CDKAL1: variants seen among roughly 807,000 people sequenced by gnomAD.
CDKAL1 encodes the protein threonylcarbamoyladenosine tRNA methylthiotransferase.
A neutral mutation model predicts 68.2 loss-of-function variants in CDKAL1; 32 were observed. That is an observed-to-expected ratio of 0.47 (90% CI 0.35 to 0.63). The LOEUF is 0.63. Ranked by LOEUF, CDKAL1 falls within the 30% of genes least tolerant of loss-of-function variation. The pLI is 0.00. For synonymous variants in CDKAL1, 234 were observed against 244.3 expected, an observed-to-expected ratio of 0.96 and a Z score of 0.39; for missense variants, 606 against 696.7, an observed-to-expected ratio of 0.87 and a Z score of 1.47.
chr6:20,810,392 TCACACACACACACACACACACACACACA>T (rs59104508), intron 8 of CDKAL1, among the ~76,000 whole-genome samples: 21 of 115,648 alleles, frequency 1.8e-4, no homozygotes, highest in Admixed American at 7.2e-4. Flanking sequence ...TCTCTCTCTG[TCACACACACACACACACACACACACACA>T]CACACACACA....
intron 15 of CDKAL1, among the ~76,000 whole-genome samples, chr6:21,216,462 G>C (rs59743967): frequency 0.45 from 68,235 of 151,700 alleles, 16,179 homozygotes; most frequent in African/African-American, 0.61. Context: ...AGAAAGATCC[G>C]GTCTCCAGAA....
intron 9 of CDKAL1, among the ~76,000 whole-genome samples, chr6:20,850,900 T>G (rs908553425): frequency 6.6e-6 from 1 of 152,096 alleles, no homozygotes; most frequent in Non-Finnish European, 1.5e-5. Flanking sequence ...TGCATTCAGA[T>G]GTGAAAAAAT....
chr6:21,213,772 T>C (rs1779245553), intron 15 of CDKAL1, among the ~76,000 whole-genome samples: 1 of 152,166 alleles, frequency 6.6e-6, no homozygotes. Flanking sequence ...ATAAACCAGA[T>C]TGTGTCTCTC....
chr6:20,662,237 G>A (rs888345262), intron 5 of CDKAL1, among the ~76,000 whole-genome samples: 3 of 152,008 alleles, frequency 2.0e-5, no homozygotes, highest in African/African-American at 4.8e-5. Context: ...TGTTACCAAA[G>A]TATTAAATAT....
chr6:21,222,813 C>A (rs1006851533), intron 15 of CDKAL1, among the ~76,000 whole-genome samples: 1 of 152,036 alleles, frequency 6.6e-6, no homozygotes, highest in African/African-American at 2.4e-5. Context: ...GAAGCTGCAC[C>A]GCAAGATGGG....
At chr6:20,761,043 C>A (rs989866637) in intron 7 of CDKAL1, among the ~76,000 whole-genome samples, 1 of 152,032 alleles carries the variant, frequency 6.6e-6, no homozygotes, top group Non-Finnish European at 1.5e-5. Flanking sequence ...TATATGAAGA[C>A]CTCTTAAAAC....
At chr6:21,055,448 G>A (rs1414468483) in intron 11 of CDKAL1, among the ~76,000 whole-genome samples, 2 of 151,986 alleles carry the variant, frequency 1.3e-5, no homozygotes, top group African/African-American at 4.8e-5. Flanking sequence ...GTAAACGTGT[G>A]CTGTGGTGAT....
At chr6:20,774,179 T>A (rs4712545) in intron 7 of CDKAL1, among the ~76,000 whole-genome samples, 1 of 151,850 alleles carries the variant, frequency 6.6e-6, no homozygotes. Flanking sequence ...GAAGAAAAGT[T>A]GGGCTGTTTA....
intron 4 of CDKAL1, among the ~76,000 whole-genome samples, chr6:20,608,589 A>G (rs574476067): frequency 1.3e-5 from 2 of 152,204 alleles, no homozygotes; most frequent in South Asian, 2.1e-4. Context: ...GGCTGATACC[A>G]GTAGAGAGGA....
chr6:20,885,255 C>T (rs1428657665), intron 9 of CDKAL1, among the ~76,000 whole-genome samples: 1 of 152,176 alleles, frequency 6.6e-6, no homozygotes, highest in African/African-American at 2.4e-5. Flanking sequence ...GACTCACACT[C>T]CCCAATTTCA....
intron 4 of CDKAL1, among the ~76,000 whole-genome samples, chr6:20,629,974 C>T (rs1767602660): frequency 6.6e-6 from 1 of 152,150 alleles, no homozygotes; most frequent in Non-Finnish European, 1.5e-5. Context: ...TTCTCTCAGC[C>T]TCCTTAGTAG....
At chr6:21,066,691 G>C (rs1471508648) in intron 12 of CDKAL1, among the ~76,000 whole-genome samples, 3 of 152,112 alleles carry the variant, frequency 2.0e-5, no homozygotes, top group Non-Finnish European at 4.4e-5. Flanking sequence ...CTGCAATCTT[G>C]GCTCACTGTA....
intron 11 of CDKAL1, among the ~76,000 whole-genome samples, chr6:21,016,621 CA>C (rs1240735699): frequency 3.3e-5 from 4 of 120,396 alleles, no homozygotes; most frequent in Non-Finnish European, 7.8e-5. Context: ...TTCATCCATC[CA>C]TCCATCCATC....
intron 13 of CDKAL1, among the ~76,000 whole-genome samples, chr6:21,110,659 T>C (rs1056019349): frequency 6.6e-6 from 1 of 152,212 alleles, no homozygotes; most frequent in Non-Finnish European, 1.5e-5. Context: ...ATCAGTTGTT[T>C]GGGGTTTGCT....
chr6:21,140,917 G>C (rs1411266547), intron 13 of CDKAL1, among the ~76,000 whole-genome samples: 1 of 152,158 alleles, frequency 6.6e-6, no homozygotes, highest in African/African-American at 2.4e-5. Flanking sequence ...TTACATGGCG[G>C]CGCCAGGAGA....
At chr6:20,600,766 GTATACATATATATATATA>G (rs762960762) in intron 4 of CDKAL1, among the ~76,000 whole-genome samples, 1 of 61,050 alleles carries the variant, frequency 1.6e-5, no homozygotes, top group Non-Finnish European at 3.3e-5. Flanking sequence ...AGATATATAT[GTATACATATATATATATA>G]TATACACACA....
chr6:21,031,338 C>A (rs1401639596), intron 11 of CDKAL1, among the ~76,000 whole-genome samples: 2 of 151,118 alleles, frequency 1.3e-5, no homozygotes, highest in African/African-American at 2.4e-5. Context: ...CTGCTTGCAA[C>A]GGGGAAAAAC....
chr6:20,580,989 A>G (rs935700118), intron 4 of CDKAL1, among the ~76,000 whole-genome samples: 1 of 152,048 alleles, frequency 6.6e-6, no homozygotes, highest in South Asian at 2.1e-4. Flanking sequence ...GGGTTTCTTC[A>G]TGTTGGTCAG....
intron 8 of CDKAL1, among the ~76,000 whole-genome samples, chr6:20,783,936 C>T (rs913004190): frequency 1.3e-5 from 2 of 151,988 alleles, no homozygotes; most frequent in South Asian, 2.1e-4. Flanking sequence ...TAGTATTGGC[C>T]GGGCGTGGTG....
Sources: gnomAD v4.1 joint callset for allele counts (sites outside exome capture counted in the v4.1 genomes callset) on GRCh38, gnomAD v4.1.1 for gene constraint, MANE v1.5 for transcripts, NCBI Gene and HGNC (gene_info 2026-07-23, HGNC 2026-07-21) for gene names.